Variants in PHACTR4 observed in about 807,000 individuals in gnomAD.
PHACTR4 encodes the protein phosphatase and actin regulator 4.
In PHACTR4, 51 loss-of-function variants were observed where a neutral mutation model predicts 72.7. The ratio of observed to expected loss-of-function variants is 0.70; its 90% CI spans 0.56 to 0.89. The LOEUF is 0.89. PHACTR4 is among the 40% of genes least tolerant of loss of function. The probability of loss-of-function intolerance (pLI) is 0.00; values close to 1 mark genes in which losing one functional copy is unlikely to be tolerated. For missense variants in PHACTR4, 731 were observed against 861.8 expected (o/e 0.85, Z 1.90); for synonymous variants, 255 against 302.5 (o/e 0.84, Z 1.63).
At chr1:28,407,248 C>CA (rs78873359) in intron 1 of PHACTR4, among the ~76,000 whole-genome samples, 162 bp from the exon 2 acceptor site, 827 of 76,400 alleles carry the variant, frequency 0.011, 4 homozygotes, top group East Asian at 0.017. Context: ...GATCCTGTCT[C>CA]AAAAAAAAAA....
chr1:28,410,445 C>T (rs1246943055), intron 2 of PHACTR4, among the ~76,000 whole-genome samples: 4 of 152,104 alleles, frequency 2.6e-5, no homozygotes, highest in Admixed American at 1.3e-4. Context: ...TTCTGAGTGA[C>T]CTCCTTGCTT....
intron 9 of PHACTR4, among the ~76,000 whole-genome samples, chr1:28,482,193 G>A (rs1024984442): frequency 6.6e-6 from 1 of 152,002 alleles, no homozygotes; most frequent in African/African-American, 2.4e-5. Context: ...CACCACACCT[G>A]GCCAGCCTGT....
chr1:28,385,092 T>A (rs193156894), intron 1 of PHACTR4, among the ~76,000 whole-genome samples: 3 of 152,144 alleles, frequency 2.0e-5, no homozygotes, highest in Admixed American at 2.0e-4. Context: ...GTTGTTAAAT[T>A]GAGATCTTTG....
intron 2 of PHACTR4, among the ~76,000 whole-genome samples, chr1:28,451,746 G>A (rs1018724092): frequency 1.3e-5 from 2 of 151,876 alleles, no homozygotes; most frequent in African/African-American, 2.4e-5. Context: ...TCAGATCAAA[G>A]GATCCTCCTG....
At chr1:28,457,269 G>A (rs1367824574) in intron 2 of PHACTR4, 2 of 441,790 alleles carry the variant, frequency 4.5e-6, no homozygotes, top group Non-Finnish European at 9.1e-6. Flanking sequence ...GCTGTTGGTT[G>A]TATATTTTCT....
At chr1:28,427,275 C>T (rs1655929828) in intron 2 of PHACTR4, among the ~76,000 whole-genome samples, 1 of 152,118 alleles carries the variant, frequency 6.6e-6, no homozygotes, top group African/African-American at 2.4e-5. Context: ...CCTGTAATCC[C>T]AGCACTTCGG....
chr1:28,468,180 T>A (rs1009800688), intron 6 of PHACTR4, among the ~76,000 whole-genome samples: 1 of 152,236 alleles, frequency 6.6e-6, no homozygotes, highest in African/African-American at 2.4e-5. Flanking sequence ...TTGACTTATC[T>A]GTGAGGAACT....
At chr1:28,457,592 G>A (rs1658482336) in intron 2 of PHACTR4, among the ~76,000 whole-genome samples, 1 of 151,900 alleles carries the variant, frequency 6.6e-6, no homozygotes, top group African/African-American at 2.4e-5. Context: ...AACAGAGTGA[G>A]ACCCTGTTTC....
At chr1:28,462,982 T>C (rs555033102) in intron 4 of PHACTR4, among the ~76,000 whole-genome samples, 1 of 152,272 alleles carries the variant, frequency 6.6e-6, no homozygotes, top group South Asian at 2.1e-4. Context: ...GAGGATCCCT[T>C]GAACTCAGTA....
intron 9 of PHACTR4, among the ~76,000 whole-genome samples, chr1:28,487,735 T>G (rs893082199): frequency 6.9e-5 from 9 of 130,972 alleles, no homozygotes; most frequent in South Asian, 2.5e-4. Flanking sequence ...TTGTTTTTTT[T>G]TTTTTTTTTT....
At chr1:28,456,069 A>T (rs1488572549) in intron 2 of PHACTR4, among the ~76,000 whole-genome samples, 1 of 152,030 alleles carries the variant, frequency 6.6e-6, no homozygotes, top group Non-Finnish European at 1.5e-5. Flanking sequence ...GTATTAAGCC[A>T]TTCTTGCATT....
intron 2 of PHACTR4, among the ~76,000 whole-genome samples, chr1:28,444,739 C>G (rs144743446): frequency 1.3e-5 from 2 of 149,280 alleles, no homozygotes; most frequent in Non-Finnish European, 3.0e-5. Context: ...CCTCAGCCTC[C>G]CAAGTAGCTA....
At chr1:28,419,305 T>A (rs980964389) in intron 2 of PHACTR4, among the ~76,000 whole-genome samples, 2 of 151,826 alleles carry the variant, frequency 1.3e-5, no homozygotes, top group Non-Finnish European at 2.9e-5. Flanking sequence ...CCATTTGATA[T>A]GTCAAATCTA....
chr1:28,431,178 C>CA (rs1297297050), intron 2 of PHACTR4, among the ~76,000 whole-genome samples: 807 of 79,526 alleles, frequency 0.01, 12 homozygotes, highest in African/African-American at 0.031. Flanking sequence ...GACTCCATCT[C>CA]AAAAAAAAAA....
At chr1:28,471,424 T>C (rs539854193) in intron 6 of PHACTR4, among the ~76,000 whole-genome samples, 2 of 152,230 alleles carry the variant, frequency 1.3e-5, no homozygotes, top group African/African-American at 2.4e-5. Flanking sequence ...AATACAGTTT[T>C]ATTTAAGGGA....
intron 1 of PHACTR4, among the ~76,000 whole-genome samples, chr1:28,404,203 T>TC (rs1654145755): frequency 6.6e-6 from 1 of 151,092 alleles, no homozygotes; most frequent in South Asian, 2.1e-4. Flanking sequence ...GCCTGCCTTG[T>TC]CCTCCCAAAG....
At position 28,496,657 on chromosome 1, in the gene PHACTR4, T is replaced by C. The variant is rs563856716; in HGVS notation, c.*108T>C. 3.1e-6 allele frequency: 4 copies of C among 1,271,690 alleles called. No individual in the cohort carries two copies. In the East Asian group the frequency reaches 9.2e-5, roughly 29 times the overall value. The allele number at this position is 1,271,690 out of a possible 1,614,324, so 78.8% of individuals were successfully genotyped here. ...TCCCAGCACAGCCAGAATTGCATCC[T>C]CTGGGATCTTCTGAGGTGGACAGCA... is the stretch of plus-strand genomic sequence containing the variant. On this transcript the variant is annotated 3_prime_UTR_variant, in exon 14 of 14. Transcript: ENST00000373839.
At chr1:28,479,893 TCAAA>T (rs917204107) in intron 8 of PHACTR4, among the ~76,000 whole-genome samples, 18 of 152,096 alleles carry the variant, frequency 1.2e-4, no homozygotes, top group African/African-American at 2.2e-4. Context: ...AAGCTCTGTC[TCAAA>T]CAAACAAACA....
chr1:28,430,908 T>C (rs1656211085), intron 2 of PHACTR4, among the ~76,000 whole-genome samples: 1 of 152,174 alleles, frequency 6.6e-6, no homozygotes, highest in Non-Finnish European at 1.5e-5. Flanking sequence ...CTGGGCACAG[T>C]GGCTCACTCC....
Sources: allele counts gnomAD v4.1 joint callset (sites outside exome capture counted in the v4.1 genomes callset), GRCh38; gene constraint gnomAD v4.1.1; transcripts MANE v1.5; gene names NCBI Gene and HGNC (gene_info 2026-07-23, HGNC 2026-07-21).